Variants in FBXL22 observed in about 807,000 individuals in gnomAD.
FBXL22 encodes F-box and leucine rich repeat protein 22.
A neutral mutation model predicts 11.7 loss-of-function variants in FBXL22; 13 were observed. The ratio of observed to expected loss-of-function variants is 1.11; its 90% CI spans 0.73 to 1.77. FBXL22 has a LOEUF of 1.77. Among genes scored for constraint, FBXL22 ranks in the 40% most tolerant of loss-of-function variants. FBXL22 has a pLI of 0.00. For missense variants in FBXL22, 406 were observed against 320.4 expected (o/e 1.27, Z -2.04); for synonymous variants, 160 against 144.1 (o/e 1.11, Z -0.79).
chr15:63,600,842 G>A lies in FBXL22; in HGVS notation c.499G>A (p.Val167Met). The A allele has an allele frequency of 1.6e-6, 2 of 1,230,360 alleles. No homozygotes were observed. The highest frequency in any genetic ancestry group is 1.0e-6 in the Non-Finnish European group (1 of 987,046). 76.2% of individuals were successfully genotyped at this position (1,230,360 alleles called of 1,614,324 possible). A position where few individuals can be genotyped will look rare whatever the true frequency, so the allele number is the denominator to read the frequency against. The change falls in exon 2 of 2, where the codon GTG (valine) becomes ATG (methionine). Residue 167 changes from valine to methionine, a missense_variant. By Grantham distance (21) the Val-to-Met change is conservative. Coordinates refer to ENST00000638704, the MANE Select transcript of FBXL22 (RefSeq NM_001367807.1). The part of the protein sequence containing the change: ...ARVTNRTLAA[V>M]AADGRALQTL... Reference sequence around the variant, plus strand: ...CGTCACCAACCGCACGTTGGCTGCCGTGGCGGCGGACGGGCGCGCGCTGCA... The same window carrying A: ...CGTCACCAACCGCACGTTGGCTGCCATGGCGGCGGACGGGCGCGCGCTGCA...
rs1350555465 is a variant in FBXL22 at position 63,600,685 on chromosome 15, C to G, written c.354-12C>G. On this transcript the variant is annotated splice_polypyrimidine_tract_variant and intron_variant, in intron 1 of 1. Transcript: ENST00000638704. ...AGCCAGTGAGCCCCGGGTCACCGCA[C>G]TCTCCTCACAGGTGCCCCAACCTGG... 9.9e-5 allele frequency: 122 copies of G among 1,231,358 alleles called. No homozygotes were observed. The highest frequency in any genetic ancestry group is 1.2e-4 in the Non-Finnish European group (115 of 987,764). The allele number at this position is 1,231,358 out of a possible 1,614,324, so 76.3% of individuals were successfully genotyped here.
chr15:63,601,387 G>A (rs558022835), downstream of FBXL22: 6 of 1,603,248 alleles, frequency 3.7e-6, no homozygotes, highest in East Asian at 9.0e-5. Context: ...ACCTCGGTGG[G>A]GAGGACCTGA....
At chr15:63,598,803 G>A (rs2152688234) in intron 1 of FBXL22, among the ~76,000 whole-genome samples, 1 of 152,338 alleles carries the variant, frequency 6.6e-6, no homozygotes, top group East Asian at 1.9e-4. Context: ...GGCCCCGACT[G>A]GACAAGGCTA....
At chr15:63,599,735 G>C in intron 1 of FBXL22, 2 of 987,140 alleles carry the variant, frequency 2.0e-6, no homozygotes, top group Non-Finnish European at 2.4e-6. Context: ...CCCCAGCCCA[G>C]ACTCTAGCTC....
At chr15:63,607,664 C>G in the FBXL22 span, among the ~76,000 whole-genome samples, 1 of 152,268 alleles carries the variant, frequency 6.6e-6, no homozygotes, top group Non-Finnish European at 1.5e-5. Flanking sequence ...TGAAGACATA[C>G]ACCTATCTTC....
downstream of FBXL22, among the ~76,000 whole-genome samples, chr15:63,603,282 T>C (rs538635570): frequency 1.3e-5 from 2 of 152,306 alleles, no homozygotes; most frequent in African/African-American, 4.8e-5. Flanking sequence ...ACTCAGCCCA[T>C]TTCTTGCATG....
chr15:63,605,704 T>G (rs1224172350), downstream of FBXL22, among the ~76,000 whole-genome samples: 1 of 152,232 alleles, frequency 6.6e-6, no homozygotes, highest in East Asian at 1.9e-4. Flanking sequence ...ACAGCCTCTA[T>G]TAGATCATAG....
Position 63,601,049 on chromosome 15 carries a change from C to T in FBXL22, c.*10C>T, listed in dbSNP as rs1282214666. The T allele has an allele frequency of 2.4e-6, 3 of 1,228,126 alleles. No homozygotes were observed. The highest frequency in any genetic ancestry group is 2.0e-6 in the Non-Finnish European group (2 of 985,640). 76.1% of individuals were successfully genotyped at this position (1,228,126 alleles called of 1,614,324 possible). A position where few individuals can be genotyped will look rare whatever the true frequency, so the allele number is the denominator to read the frequency against. The stretch of plus-strand genomic sequence containing the variant: ...GCTGCTGCAGCGCTAGACGCCGCCC[C>T]GCCGCTGCCCCCGGGGAAGGAGCGC... On this transcript the variant is annotated 3_prime_UTR_variant, in exon 2 of 2. Coordinates refer to ENST00000638704, the MANE Select transcript of FBXL22 (RefSeq NM_001367807.1).
rs894812338 is a variant in FBXL22, at chr15:63,601,045, GC to G, written c.*10del. 1 of 1,225,632 alleles carries G rather than the reference GC, an allele frequency of 8.2e-7. No individual in the cohort carries two copies. Among genetic ancestry groups the G allele is most frequent in the African/African-American group, 1.6e-5 (1 of 64,042 alleles). 75.9% of individuals were successfully genotyped at this position (1,225,632 alleles called of 1,614,324 possible). The stretch of plus-strand genomic sequence containing the variant: ...GCAAGCTGCTGCAGCGCTAGACGCC[GC>G]CCCGCCGCTGCCCCCGGGGAAGGAG... On this transcript the variant is annotated 3_prime_UTR_variant, in exon 2 of 2. Coordinates refer to ENST00000638704, the MANE Select transcript of FBXL22 (RefSeq NM_001367807.1).
intron 1 of FBXL22, chr15:63,599,129 G>A (rs940340423): frequency 1.2e-5 from 16 of 1,348,742 alleles, no homozygotes; most frequent in African/African-American, 2.9e-5. Context: ...TCTATAAAAT[G>A]TGCTAAATTT....
At chr15:63,600,567 C>A in intron 1 of FBXL22, 130 bp from the exon 2 acceptor site, 1 of 1,229,650 alleles carries the variant, frequency 8.1e-7, no homozygotes, top group Non-Finnish European at 1.0e-6. Flanking sequence ...CCTGCAGTGT[C>A]ATCGCAGCCA....
At chr15:63,599,026 G>A in intron 1 of FBXL22, 1 of 651,882 alleles carries the variant, frequency 1.5e-6, no homozygotes, top group South Asian at 1.8e-5. Flanking sequence ...AGAGCAAAGG[G>A]CTTTGCTGTC....
In FBXL22 at chr15:63,597,808, C is replaced by T; in HGVS notation, c.353+63C>T. The T allele has an allele frequency of 6.9e-7, 1 of 1,440,740 alleles. No individual in the cohort carries two copies. Among genetic ancestry groups the T allele is most frequent in the Non-Finnish European group, 9.3e-7 (1 of 1,079,358 alleles). 89.2% of individuals were successfully genotyped at this position (1,440,740 alleles called of 1,614,324 possible). A position where few individuals can be genotyped will look rare whatever the true frequency, so the allele number is the denominator to read the frequency against. ...TAGCTCTGGCTTCCCTCTTGGGGGG[C>T]AGGGAAGAGCAAATTACGAGACCAA... On this transcript the variant is annotated intron_variant, in intron 1 of 1. Coordinates refer to ENST00000638704, the MANE Select transcript of FBXL22 (RefSeq NM_001367807.1). This position sits in a 1 kb window ranked among gnomAD's most constrained non-coding sequence, Gnocchi z 4.3.
In FBXL22 at chr15:63,597,749, G is replaced by A. The variant is rs375470672; in HGVS notation, c.353+4G>A. The A allele has an allele frequency of 1.8e-4, 287 of 1,566,486 alleles. No individual in the cohort carries two copies. The highest frequency in any genetic ancestry group is 2.3e-4 in the Non-Finnish European group (270 of 1,153,276). On this transcript the variant is annotated splice_donor_region_variant and intron_variant, in intron 1 of 1. Transcript: ENST00000638704. The surrounding 1 kb of genome is among the most constrained non-coding windows in gnomAD (Gnocchi z 4.3). ...TCCTCCTCCGGGTGTGCGACAGGTA[G>A]GCCACCTTGCCTCCTGAGCAGTGCT...
Position 63,601,000 on chromosome 15 carries a change from C to T in FBXL22, c.657C>T (p.Arg219=). Residue 219 remains arginine, a synonymous_variant, in exon 2 of 2, where the codon CGC becomes CGT. Transcript: ENST00000638704. ...AMLPDQPPRP[R]APAAALGKLL... ...TGCCCGACCAGCCCCCGCGCCCGCG[C>T]GCGCCCGCCGCGGCCCTCGGCAAGC... 8.4e-7 allele frequency: 1 copy of T among 1,194,582 alleles called. No homozygotes were observed. Among genetic ancestry groups the T allele is most frequent in the Non-Finnish European group, 1.0e-6 (1 of 964,444 alleles). 74.0% of individuals were successfully genotyped at this position (1,194,582 alleles called of 1,614,324 possible).
At chr15:63,599,431 C>G in intron 1 of FBXL22, 1 of 1,354,730 alleles carries the variant, frequency 7.4e-7, no homozygotes, top group South Asian at 1.8e-5. Context: ...GAGGAAGTGA[C>G]GCCCAGCAAG....
downstream of FBXL22, among the ~76,000 whole-genome samples, chr15:63,606,510 T>G (rs56902655): frequency 0.14 from 21,299 of 152,166 alleles, 1,594 homozygotes; most frequent in Middle Eastern, 0.19. Flanking sequence ...CAGGCCCACT[T>G]CAGCTCCTCA....
rs1595792544 is a variant in FBXL22, at chr15:63,597,675, G to GC, written c.285dup (p.Phe96LeufsTer15). On this transcript the variant is annotated frameshift_variant, in exon 1 of 2. Coordinates refer to ENST00000638704, the MANE Select transcript of FBXL22 (RefSeq NM_001367807.1). LOFTEE classifies it high-confidence loss of function. The surrounding 1 kb of genome is among the most constrained non-coding windows in gnomAD (Gnocchi z 4.3). ...CAGCATTGAGGACTGGCTCAAGAGT[G>GC]CCTTCCAGAGAAGCATCTGCAGCCG... 6.2e-7 allele frequency: 1 copy of GC among 1,604,076 alleles called. No homozygotes were observed. Among genetic ancestry groups the GC allele is most frequent in the African/African-American group, 1.3e-5 (1 of 74,884 alleles).
At chr15:63,600,043 C>T (rs1464121952) in intron 1 of FBXL22, 1 of 985,716 alleles carries the variant, frequency 1.0e-6, no homozygotes, top group Non-Finnish European at 1.2e-6. Context: ...GCCAAGCGAC[C>T]TGGGTGGGTG....
Sources: allele counts gnomAD v4.1 joint callset (sites outside exome capture counted in the v4.1 genomes callset), GRCh38; gene constraint gnomAD v4.1.1; non-coding constraint Gnocchi (gnomAD v3.1); transcripts MANE v1.5; gene names NCBI Gene and HGNC (gene_info 2026-07-23, HGNC 2026-07-21).